Variants in SPTBN5 observed in about 807,000 individuals in gnomAD.
SPTBN5 encodes spectrin beta chain, non-erythrocytic 5.
A neutral mutation model predicts 477.6 loss-of-function variants in SPTBN5; 513 were observed. The observed-to-expected ratio is 1.07, with a 90% CI of 1.00 to 1.16. SPTBN5 has a LOEUF of 1.16. SPTBN5 is among the 50% of genes most tolerant of loss of function. The pLI, the probability that SPTBN5 is intolerant of heterozygous loss-of-function variation, is 0.00. For synonymous variants in SPTBN5, 2,169 were observed against 2,011.7 expected, an observed-to-expected ratio of 1.08 and a Z score of -2.09; for missense variants, 5,062 against 4,731.8, an observed-to-expected ratio of 1.07 and a Z score of -2.05.
At chr15:41,852,011 G>A (rs2140910323) in intron 62 of SPTBN5, 161 bp from the exon 63 acceptor site, 1 of 936,550 alleles carries the variant, frequency 1.1e-6, no homozygotes, top group Non-Finnish European at 1.6e-6. Context: ...GGCATGTTCA[G>A]GGTGGTATGG....
chr15:41,851,430 G>C, intron 63 of SPTBN5, 61 bp from the exon 64 acceptor site: 1 of 1,228,660 alleles, frequency 8.1e-7, no homozygotes, highest in South Asian at 1.3e-5. Context: ...GCTAGGGCCT[G>C]TCCACGCCTC....
chr15:41,881,854 G>T lies in SPTBN5; in HGVS notation c.2457+82C>A, dbSNP rs960648268. 5.2e-6 allele frequency: 7 copies of T among 1,335,292 alleles called. 1 individual carries two copies. Among genetic ancestry groups the T allele is most frequent in the Non-Finnish European group, 7.0e-6 (7 of 1,006,484 alleles). 82.7% of individuals were successfully genotyped at this position (1,335,292 alleles called of 1,614,324 possible). A position where few individuals can be genotyped will look rare whatever the true frequency, so the allele number is the denominator to read the frequency against. ...GAATCCTGGGCCAGAGGCCACAAAG[G>T]CCCTCCCATTTTTGTCCTCTGTGTG... On this transcript the variant is annotated intron_variant, in intron 12 of 67. Transcript: ENST00000320955.
chr15:41,851,079 C>T lies in SPTBN5; in HGVS notation c.10815G>A (p.Arg3605=), dbSNP rs1466152647. ...CTCACCTTAAGGAGAATGTGTGTTT[C>T]CTGCCGTGGCGGCCCCGCAGCCTCT... ...RCERLRGRHG[R]KHTFSLRLTS... Residue 3605 remains arginine (R), a synonymous_variant, in exon 65 of 68, where the codon AGG becomes AGA. Coordinates refer to ENST00000320955, the MANE Select transcript of SPTBN5 (RefSeq NM_016642.4). 3.1e-6 allele frequency: 5 copies of T among 1,612,640 alleles called. No homozygotes were observed. In the East Asian group the frequency reaches 6.7e-5, roughly 22 times the overall value.
At chr15:41,864,446 T>G (rs532532777) in intron 39 of SPTBN5, among the ~76,000 whole-genome samples, 1 of 152,230 alleles carries the variant, frequency 6.6e-6, no homozygotes, top group Non-Finnish European at 1.5e-5. Context: ...CCCGAGTAGC[T>G]GGCACTACAG....
chr15:41,876,863 G>A lies in SPTBN5; in HGVS notation c.3797C>T (p.Ala1266Val). The part of the protein sequence containing the change: ...LLSTLGPRAE[A>V]LRAHGEKLVQ... Reference sequence around the variant, plus strand: ...CAGCTTCTCGCCGTGTGCCCGCAGAGCCTCTGCCCGAGGCCCCAGGGTGCT... The same window carrying A: ...CAGCTTCTCGCCGTGTGCCCGCAGAACCTCTGCCCGAGGCCCCAGGGTGCT... The change falls in exon 19 of 68, where the codon GCT (alanine) becomes GTT (valine). Residue 1266 changes from alanine (A) to valine (V), a missense_variant. Physicochemically the swap from Ala to Val is moderately conservative, Grantham distance 64. Coordinates refer to ENST00000320955, the MANE Select transcript of SPTBN5 (RefSeq NM_016642.4). 6 of 1,610,566 alleles carry A rather than the reference G, an allele frequency of 3.7e-6. No homozygotes were observed. Among genetic ancestry groups the A allele is most frequent in the South Asian group, 1.1e-5 (1 of 90,992 alleles).
intron 7 of SPTBN5, among the ~76,000 whole-genome samples, chr15:41,883,725 C>G (rs2067056426): frequency 6.6e-6 from 1 of 152,200 alleles, no homozygotes; most frequent in Non-Finnish European, 1.5e-5. Flanking sequence ...TTTGGGGCCC[C>G]CTAACTTGGA....
At chr15:41,863,619 A>T in intron 41 of SPTBN5, 85 bp downstream of exon 41, 1 of 1,051,878 alleles carries the variant, frequency 9.5e-7, no homozygotes, top group Non-Finnish European at 1.4e-6. Flanking sequence ...GTGAGGGGGG[A>T]GACGCATGGG....
In SPTBN5 at chr15:41,866,245, G is replaced by A. The variant is rs2066305819; in HGVS notation, c.6631-16C>T. On this transcript the variant is annotated splice_polypyrimidine_tract_variant and intron_variant, in intron 37 of 67. Coordinates refer to ENST00000320955, the MANE Select transcript of SPTBN5 (RefSeq NM_016642.4). Reference sequence around the variant, plus strand: ...CCTCTCCCTTCTGGAGGGAGAGAGGGGACACAGGACATCTTGCCTGCTGCA... The same window carrying A: ...CCTCTCCCTTCTGGAGGGAGAGAGGAGACACAGGACATCTTGCCTGCTGCA... 1 of 1,582,772 alleles carries A rather than the reference G, an allele frequency of 6.3e-7. No individual in the cohort carries two copies. The highest frequency in any genetic ancestry group is 8.6e-7 in the Non-Finnish European group (1 of 1,165,028).
chr15:41,862,607 G>C lies in SPTBN5; in HGVS notation c.7317C>G (p.His2439Gln). The change falls in exon 43 of 68, where the codon CAC becomes CAG. Residue 2439 changes from histidine (H) to glutamine (Q), a missense_variant. By Grantham distance (24) the His-to-Gln change is conservative (BLOSUM62 0). Coordinates refer to ENST00000320955, the MANE Select transcript of SPTBN5 (RefSeq NM_016642.4). Reference protein sequence around the residue: ...RLCQRSPEAAHGLRHRQQEVA... With the variant: ...RLCQRSPEAAQGLRHRQQEVA... ...CCTCCTGCTGCCTGTGCCTGAGGCC[G>C]TGGGCTGCCTCGGGGCTTCTTTGGC... is the stretch of plus-strand genomic sequence containing the variant. 4.5e-6 allele frequency: 7 copies of C among 1,559,240 alleles called. No homozygotes were observed. The highest frequency in any genetic ancestry group is 6.1e-6 in the Non-Finnish European group (7 of 1,152,874).
Position 41,862,858 on chromosome 15 carries a change from C to G in SPTBN5, c.7195G>C (p.Val2399Leu), listed in dbSNP as rs370143331. Residue 2399 changes from valine to leucine, a missense_variant, in exon 42 of 68, where the codon GTG (valine) becomes CTG (leucine). By Grantham distance (32) the Val-to-Leu change is conservative (BLOSUM62 1). Transcript: ENST00000320955. The part of the protein sequence containing the change: ...ALDCGKDLES[V>L]QRLLRKHEEL... ...TCGTGTTTCCGCAGCAGCCTCTGCA[C>G]GCTCTCCAGATCTTTCCCACAGTCC... 45 of 1,590,542 alleles carry G rather than the reference C, an allele frequency of 2.8e-5. No individual in the cohort carries two copies. Among genetic ancestry groups the G allele is most frequent in the Non-Finnish European group, 3.8e-5 (45 of 1,169,332 alleles).
chr15:41,893,155 T>G (rs912888102), intron 2 of SPTBN5, 94 bp from the exon 3 acceptor site: 69 of 1,568,026 alleles, frequency 4.4e-5, no homozygotes, highest in Middle Eastern at 1.7e-4. Flanking sequence ...GCAGCTGCTT[T>G]GGAAGAAGGA....
In SPTBN5 at chr15:41,866,434, G is replaced by A. The variant is rs1383422255; in HGVS notation, c.6540C>T (p.Asp2180=). The A allele has an allele frequency of 2.5e-6, 4 of 1,607,504 alleles. No homozygotes were observed. The highest frequency in any genetic ancestry group is 8.5e-7 in the Non-Finnish European group (1 of 1,177,290). Reference sequence around the variant, plus strand: ...GCAGGGGCTTCAGCTTATCTCTCAGGTCCCCAGGAGGGACCGGCTCCTTCA... The same window carrying A: ...GCAGGGGCTTCAGCTTATCTCTCAGATCCCCAGGAGGGACCGGCTCCTTCA... ...QQLKEPVPPG[D]LRDKLKPLLK... is the part of the protein sequence containing the mutation. Residue 2180 remains aspartate, a synonymous_variant, in exon 37 of 68, where the codon GAC becomes GAT. Coordinates refer to ENST00000320955, the MANE Select transcript of SPTBN5 (RefSeq NM_016642.4).
intron 67 of SPTBN5, among the ~76,000 whole-genome samples, chr15:41,849,245 C>G (rs923915649): frequency 1.3e-5 from 2 of 152,156 alleles, no homozygotes; most frequent in African/African-American, 2.4e-5. Flanking sequence ...GGTTGAGCAT[C>G]GAAATGATGC....
chr15:41,855,120 C>G, intron 55 of SPTBN5, 104 bp downstream of exon 55: 4 of 1,451,932 alleles, frequency 2.8e-6, no homozygotes, highest in Non-Finnish European at 3.7e-6. Flanking sequence ...AGGACACCCT[C>G]TCCAGGCTCC....
rs371847588 is a variant in SPTBN5, at chr15:41,887,336, C to T, written c.765G>A (p.Leu255=). ...GTGCGGCTGCCACGTCCTCGGGGTCCAGCAGCTGAGCAATGCCCAGCTCCT... is the reference window on the plus strand; with the variant it reads ...GTGCGGCTGCCACGTCCTCGGGGTCTAGCAGCTGAGCAATGCCCAGCTCCT... ...AEQELGIAQL[L]DPEDVAAAQP... Residue 255 remains leucine (L), a synonymous_variant, in exon 6 of 68, where the codon CTG becomes CTA. Transcript: ENST00000320955. 1.6e-4 allele frequency: 244 copies of T among 1,551,976 alleles called. 1 individual carries two copies. In the African/African-American group the frequency reaches 3.1e-3, roughly 20 times the overall value.
intron 59 of SPTBN5, 40 bp downstream of exon 59, chr15:41,853,216 GTA>G (rs2065830802): frequency 6.4e-7 from 1 of 1,552,192 alleles, no homozygotes; most frequent in Admixed American, 1.8e-5. Context: ...CAATCAGGCT[GTA>G]TCCCCAGCCC....
At position 41,856,956 on chromosome 15, in the gene SPTBN5, G is replaced by A; in HGVS notation, c.8705C>T (p.Ala2902Val). ...RSLLLKFFRD[A>V]DEEMAWVQEK... is the part of the protein sequence containing the mutation. ...CTGCACCCAGGCCATTTCCTCGTCG[G>A]CGTCCCTGAAGAACTTCAAGAGGAG... The change falls in exon 52 of 68, where the codon GCC (alanine) becomes GTC (valine). Residue 2902 changes from alanine to valine, a missense_variant. By Grantham distance (64) the Ala-to-Val change is moderately conservative. Coordinates refer to ENST00000320955, the MANE Select transcript of SPTBN5 (RefSeq NM_016642.4). 3 of 1,592,468 alleles carry A rather than the reference G, an allele frequency of 1.9e-6. No individual in the cohort carries two copies. The highest frequency in any genetic ancestry group is 2.6e-6 in the Non-Finnish European group (3 of 1,170,230).
chr15:41,850,787 T>TAGGGGCCCAGGAGCTTGGGGCCC, intron 66 of SPTBN5, 67 bp downstream of exon 66: 1 of 1,382,050 alleles, frequency 7.2e-7, no homozygotes, highest in African/African-American at 1.4e-5. Flanking sequence ...CATAAAACAC[T>TAGGGGCCCAGGAGCTTGGGGCCC]AGGGGCCCAG....
chr15:41,882,133 C>T lies in SPTBN5; in HGVS notation c.2260G>A (p.Ala754Thr). ...ALLVLQYFAD[A>T]AEAASWLRER... The stretch of plus-strand genomic sequence containing the variant: ...CGCAGCCACGAAGCCGCCTCCGCCG[C>T]GTCCGCGAAGTACTGTGGGAGGGGG... Residue 754 changes from alanine (A) to threonine (T), a missense_variant, in exon 12 of 68, where the codon GCG (alanine) becomes ACG (threonine). Ala to Thr is a moderately conservative substitution (Grantham distance 58). Coordinates refer to ENST00000320955, the MANE Select transcript of SPTBN5 (RefSeq NM_016642.4). The T allele has an allele frequency of 1.3e-6, 2 of 1,572,370 alleles. No homozygotes were observed. Among genetic ancestry groups the T allele is most frequent in the Non-Finnish European group, 1.7e-6 (2 of 1,170,214 alleles).
Sources: gnomAD v4.1 joint callset for allele counts (sites outside exome capture counted in the v4.1 genomes callset) on GRCh38, gnomAD v4.1.1 for gene constraint, MANE v1.5 for transcripts, NCBI Gene and HGNC (gene_info 2026-07-23, HGNC 2026-07-21) for gene names.